PRDM16: variants seen among roughly 807,000 people sequenced by gnomAD.
The protein encoded by PRDM16 is PR/SET domain 16.
Under a neutral mutation model 110.6 loss-of-function variants are expected in PRDM16, and 23 were observed. The observed-to-expected ratio is 0.21, with a 90% CI of 0.15 to 0.29. The LOEUF (loss-of-function observed/expected upper bound fraction) is 0.29, where lower values mean the gene tolerates loss of function less well. PRDM16 is among the 10% of genes least tolerant of loss of function. The probability of loss-of-function intolerance (pLI) is 1.00; values close to 1 mark genes in which losing one functional copy is unlikely to be tolerated. For synonymous variants in PRDM16, 799 were observed against 781.8 expected, an observed-to-expected ratio of 1.02 and a Z score of -0.37; for missense variants, 1,615 against 1,794.3, an observed-to-expected ratio of 0.90 and a Z score of 1.81.
Position 3,190,726 on chromosome 1 carries a change from C to G in PRDM16, c.387+4252C>G, listed in dbSNP as rs1189871922. 6.6e-6 allele frequency among the ~76,000 whole-genome samples: 1 copy of G among 152,328 alleles called. No individual in the cohort carries two copies. The highest frequency in any genetic ancestry group is 1.5e-5 in the Non-Finnish European group (1 of 68,028). On this transcript the variant is annotated intron_variant, in intron 2 of 16. Transcript: ENST00000270722. This position sits in a 1 kb window ranked among gnomAD's most constrained non-coding sequence, Gnocchi z 5.0. ...AATACCACGCCCCGCCGGTCGCCGC[C>G]GAAGCCCACCTGCCTGGAGGAAATC...
At chr1:3,179,004 G>A (rs1272083911) in intron 1 of PRDM16, among the ~76,000 whole-genome samples, 3 of 152,176 alleles carry the variant, frequency 2.0e-5, no homozygotes, top group Admixed American at 2.0e-4. Flanking sequence ...CTGGCCCTGC[G>A]GGTTTAGAGA....
chr1:3,154,440 G>A (rs143120573), intron 1 of PRDM16, among the ~76,000 whole-genome samples: 9 of 152,314 alleles, frequency 5.9e-5, no homozygotes, highest in Admixed American at 6.5e-5. Context: ...AGGTGGAGGC[G>A]TTGTCAGGAC....
Position 3,197,816 on chromosome 1 carries a change from C to T in PRDM16, c.387+11342C>T, listed in dbSNP as rs113999250. ...CCCTGGGTCAGACGCAGGTCCCACG[C>T]GTTCCAGGCCACAGAGGTCTCCCTG... On this transcript the variant is annotated intron_variant, in intron 2 of 16. Transcript: ENST00000270722. Among the ~76,000 whole-genome samples, 553 of 152,206 alleles carry T rather than the reference C, an allele frequency of 3.6e-3. 7 individuals are homozygous for T. The highest frequency in any genetic ancestry group is 0.013 in the African/African-American group (522 of 41,550).
chr1:3,155,587 C>T (rs1643847924), intron 1 of PRDM16, among the ~76,000 whole-genome samples: 1 of 152,266 alleles, frequency 6.6e-6, no homozygotes, highest in Admixed American at 6.5e-5. Context: ...CGCGTCTCAC[C>T]CGGAGGAGGG....
chr1:3,325,860 G>A (rs546110433), intron 3 of PRDM16, among the ~76,000 whole-genome samples: 16 of 147,624 alleles, frequency 1.1e-4, no homozygotes, highest in East Asian at 8.3e-4. Flanking sequence ...CTTCCTTAGC[G>A]GTTCTCAGTG....
intron 10 of PRDM16, 115 bp from the exon 11 acceptor site, chr1:3,417,713 A>G (rs1319021397): frequency 7.9e-6 from 7 of 881,016 alleles, no homozygotes; most frequent in South Asian, 5.8e-5. Flanking sequence ...CATTGCTTCC[A>G]GTGCCCACCT....
chr1:3,249,408 G>A (rs1402463515), intron 3 of PRDM16, among the ~76,000 whole-genome samples: 2 of 152,100 alleles, frequency 1.3e-5, no homozygotes, highest in African/African-American at 4.8e-5. Context: ...GCTTGGTTTT[G>A]CTGAGGCCTG....
chr1:3,104,362 G>C (rs1642600392), intron 1 of PRDM16, among the ~76,000 whole-genome samples: 1 of 152,204 alleles, frequency 6.6e-6, no homozygotes, highest in Admixed American at 6.5e-5. Flanking sequence ...GTGGGAGCTG[G>C]GAGGGGCTGG....
At chr1:3,291,454 G>A (rs936226498) in intron 3 of PRDM16, among the ~76,000 whole-genome samples, 1 of 152,154 alleles carries the variant, frequency 6.6e-6, no homozygotes, top group Non-Finnish European at 1.5e-5. Context: ...CTGACCTTTG[G>A]AAGATACCCC....
intron 1 of PRDM16, among the ~76,000 whole-genome samples, chr1:3,070,915 C>A (rs944033670): frequency 6.6e-6 from 1 of 152,252 alleles, no homozygotes; most frequent in Non-Finnish European, 1.5e-5. Flanking sequence ...CCCTCGGCCT[C>A]GGCCTCCCGT....
At chr1:3,227,020 C>T (rs1639303362) in intron 2 of PRDM16, among the ~76,000 whole-genome samples, 2 of 152,236 alleles carry the variant, frequency 1.3e-5, no homozygotes, top group Non-Finnish European at 2.9e-5. Context: ...ATGAAAGAGG[C>T]AATTCATACG....
intron 2 of PRDM16, among the ~76,000 whole-genome samples, chr1:3,226,219 G>T (rs1271223668): frequency 6.6e-6 from 1 of 152,230 alleles, no homozygotes; most frequent in Non-Finnish European, 1.5e-5. Context: ...TCAGATTCAT[G>T]AGGTCTGCTC....
intron 1 of PRDM16, among the ~76,000 whole-genome samples, chr1:3,107,027 G>A (rs894157838): frequency 2.0e-5 from 3 of 152,228 alleles, no homozygotes; most frequent in African/African-American, 7.2e-5. Context: ...CAGGCCCTAG[G>A]GCCAGGTGTC....
At chr1:3,360,545 T>C (rs1642693432) in intron 3 of PRDM16, among the ~76,000 whole-genome samples, 1 of 152,032 alleles carries the variant, frequency 6.6e-6, no homozygotes, top group South Asian at 2.1e-4. Flanking sequence ...TGGGAAGAGG[T>C]GTCCACTGCT....
intron 15 of PRDM16, 103 bp from the exon 16 acceptor site, chr1:3,431,863 A>G: frequency 8.8e-7 from 1 of 1,139,590 alleles, no homozygotes. Flanking sequence ...GCAGAGATGC[A>G]GCGGCGTGCA....
chr1:3,114,427 C>CG (rs142220406), intron 1 of PRDM16, among the ~76,000 whole-genome samples: 35,143 of 135,538 alleles, frequency 0.26, 4,639 homozygotes, highest in East Asian at 0.39. Flanking sequence ...CATGCACACA[C>CG]CAGGTGTAAA....
intron 3 of PRDM16, among the ~76,000 whole-genome samples, chr1:3,365,783 G>A (rs1209099343): frequency 6.6e-6 from 1 of 152,236 alleles, no homozygotes; most frequent in Non-Finnish European, 1.5e-5. Context: ...ATTATCATTT[G>A]TGCTAATCAG....
intron 2 of PRDM16, among the ~76,000 whole-genome samples, chr1:3,218,838 C>T (rs1412350820): frequency 6.6e-6 from 1 of 152,240 alleles, no homozygotes; most frequent in East Asian, 1.9e-4. Context: ...CCGAACCACG[C>T]TTGCTCAGAA....
intron 4 of PRDM16, among the ~76,000 whole-genome samples, chr1:3,393,650 G>A (rs565513857): frequency 6.6e-6 from 1 of 152,290 alleles, no homozygotes; most frequent in Non-Finnish European, 1.5e-5. Flanking sequence ...TGACCCCGCC[G>A]GCCAGGAACA....
Sources: allele counts gnomAD v4.1 joint callset (sites outside exome capture counted in the v4.1 genomes callset), GRCh38; gene constraint gnomAD v4.1.1; non-coding constraint Gnocchi (gnomAD v3.1); transcripts MANE v1.5; gene names NCBI Gene and HGNC (gene_info 2026-07-23, HGNC 2026-07-21).